Variants in NRG3 observed in about 807,000 individuals in gnomAD.
The protein encoded by NRG3 is neuregulin 3, also known as pro-neuregulin-3, membrane-bound isoform.
Under a neutral mutation model 66.9 loss-of-function variants are expected in NRG3, and 31 were observed. That is an observed-to-expected ratio of 0.46 (90% CI 0.35 to 0.63). The LOEUF (loss-of-function observed/expected upper bound fraction) is 0.63, where lower values mean the gene tolerates loss of function less well. Ranked by LOEUF, NRG3 falls within the 20% of genes least tolerant of loss-of-function variation. The pLI, the probability that NRG3 is intolerant of heterozygous loss-of-function variation, is 0.00. For missense variants in NRG3, 910 were observed against 878.9 expected (o/e 1.04, Z -0.45); for synonymous variants, 393 against 359.4 (o/e 1.09, Z -1.06).
At chr10:81,910,432 G>C (rs1845022059) in intron 1 of NRG3, among the ~76,000 whole-genome samples, 1 of 152,136 alleles carries the variant, frequency 6.6e-6, no homozygotes, top group African/African-American at 2.4e-5. Context: ...CAGCAAATTG[G>C]ATCAACACTA....
intron 2 of NRG3, among the ~76,000 whole-genome samples, chr10:82,360,038 G>A (rs1283998176): frequency 1.3e-5 from 2 of 152,176 alleles, no homozygotes; most frequent in African/African-American, 2.4e-5. Flanking sequence ...TATGTCCTGT[G>A]TCAGGACAAA....
At position 82,015,458 on chromosome 10, in the gene NRG3, G is replaced by A. The variant is rs11192171; in HGVS notation, c.823+139295G>A. ...CCCCACCCAAATCTCATCCTGAATT[G>A]TAATCCCCATAATCCCTATAATCCC... On this transcript the variant is annotated intron_variant, in intron 1 of 8. Transcript: ENST00000372141. Among the ~76,000 whole-genome samples, 119 of 152,198 alleles carry A rather than the reference G, an allele frequency of 7.8e-4. 2 individuals carry two copies. In the East Asian group the frequency reaches 0.021, roughly 27 times the overall value.
chr10:82,746,361 G>A (rs1353879207), intron 3 of NRG3, among the ~76,000 whole-genome samples: 6 of 152,108 alleles, frequency 3.9e-5, no homozygotes, highest in African/African-American at 9.7e-5. Context: ...CACTCTACCC[G>A]GGAAGAGGAT....
chr10:82,335,587 T>A (rs2082347481), intron 1 of NRG3, among the ~76,000 whole-genome samples: 1 of 152,048 alleles, frequency 6.6e-6, no homozygotes, highest in Admixed American at 6.5e-5. Flanking sequence ...AAGGCAGCAT[T>A]GAGCCATGAT....
At chr10:82,084,269 T>C (rs2065585564) in intron 1 of NRG3, among the ~76,000 whole-genome samples, 1 of 152,040 alleles carries the variant, frequency 6.6e-6, no homozygotes, top group African/African-American at 2.4e-5. Flanking sequence ...TAAGGGCACA[T>C]TCAATATTTA....
intron 2 of NRG3, among the ~76,000 whole-genome samples, chr10:82,680,665 G>A (rs758480380): frequency 6.6e-6 from 1 of 152,256 alleles, no homozygotes. Context: ...GCTATGAGCC[G>A]ACAGGGTTGA....
intron 3 of NRG3, among the ~76,000 whole-genome samples, chr10:82,803,226 G>A (rs2061126365): frequency 6.6e-6 from 1 of 152,258 alleles, no homozygotes; most frequent in Non-Finnish European, 1.5e-5. Flanking sequence ...CAAGGGATTC[G>A]GTTGTAGTAT....
At chr10:81,896,768 C>T (rs748452468) in intron 1 of NRG3, among the ~76,000 whole-genome samples, 2 of 151,830 alleles carry the variant, frequency 1.3e-5, no homozygotes, top group African/African-American at 2.4e-5. Context: ...ACAAGCATGC[C>T]TGATTCCTCT....
chr10:82,067,310 A>G (rs1396356074), intron 1 of NRG3, among the ~76,000 whole-genome samples: 1 of 152,116 alleles, frequency 6.6e-6, no homozygotes, highest in Admixed American at 6.6e-5. Flanking sequence ...AATTATTGTA[A>G]AGAAATTTTC....
chr10:82,301,534 G>A (rs12761947), intron 1 of NRG3, among the ~76,000 whole-genome samples: 1 of 151,916 alleles, frequency 6.6e-6, no homozygotes, highest in Non-Finnish European at 1.5e-5. Context: ...CTACATCCTA[G>A]TATGGTTTCT....
chr10:82,902,569 C>T (rs1312848882), intron 4 of NRG3, among the ~76,000 whole-genome samples: 1 of 152,088 alleles, frequency 6.6e-6, no homozygotes, highest in Non-Finnish European at 1.5e-5. Context: ...CTGTGTGACT[C>T]AGTTTCCAAA....
intron 2 of NRG3, among the ~76,000 whole-genome samples, chr10:82,376,127 T>G (rs763846194): frequency 6.6e-6 from 1 of 152,152 alleles, no homozygotes; most frequent in Non-Finnish European, 1.5e-5. Context: ...ATTCTGCATT[T>G]CTAACAAGGG....
chr10:82,487,354 A>G (rs1033172492), intron 2 of NRG3, among the ~76,000 whole-genome samples: 2 of 152,056 alleles, frequency 1.3e-5, no homozygotes, highest in South Asian at 2.1e-4. Context: ...TTATGTCTAC[A>G]TTGGGAGGAA....
chr10:82,692,410 C>G (rs921601942), intron 2 of NRG3, among the ~76,000 whole-genome samples: 9 of 152,270 alleles, frequency 5.9e-5, no homozygotes, highest in Admixed American at 3.9e-4. Flanking sequence ...GATATTGATA[C>G]AAGATATTTT....
chr10:81,944,606 A>G (rs1848679740), intron 1 of NRG3, among the ~76,000 whole-genome samples: 1 of 152,182 alleles, frequency 6.6e-6, no homozygotes, highest in Admixed American at 6.6e-5. Context: ...TGTCAGGGAA[A>G]GGAAAGTAAA....
At chr10:82,337,951 A>T (rs2082476402) in intron 1 of NRG3, among the ~76,000 whole-genome samples, 1 of 152,192 alleles carries the variant, frequency 6.6e-6, no homozygotes, top group Admixed American at 6.5e-5. Context: ...TAAAGAAAAT[A>T]GTTGGCTATG....
chr10:82,047,220 G>A (rs2063342230), intron 1 of NRG3, among the ~76,000 whole-genome samples: 1 of 151,754 alleles, frequency 6.6e-6, no homozygotes, highest in African/African-American at 2.4e-5. Context: ...TGGTTGGTAA[G>A]CTATTGATTA....
At chr10:82,624,580 A>G (rs897665662) in intron 2 of NRG3, among the ~76,000 whole-genome samples, 4 of 151,994 alleles carry the variant, frequency 2.6e-5, no homozygotes, top group Non-Finnish European at 4.4e-5. Context: ...TAAAATATTT[A>G]TCAATTAAAA....
chr10:82,150,941 G>A (rs1016938293), intron 1 of NRG3, among the ~76,000 whole-genome samples: 1 of 152,136 alleles, frequency 6.6e-6, no homozygotes. Flanking sequence ...TTTAGAAAAG[G>A]AAATCTTGAC....
Sources: allele counts gnomAD v4.1 joint callset (sites outside exome capture counted in the v4.1 genomes callset), GRCh38; gene constraint gnomAD v4.1.1; transcripts MANE v1.5; gene names NCBI Gene and HGNC (gene_info 2026-07-23, HGNC 2026-07-21).